Variants in DOCK10 observed in about 807,000 individuals in gnomAD.
The protein encoded by DOCK10 is dedicator of cytokinesis protein 10.
A neutral mutation model predicts 280.1 loss-of-function variants in DOCK10; 145 were observed. The observed-to-expected ratio is 0.52, with a 90% CI of 0.45 to 0.59. The LOEUF (loss-of-function observed/expected upper bound fraction) is 0.59. Among genes scored for constraint, DOCK10 ranks in the 20% least tolerant of loss-of-function variants. DOCK10 has a pLI of 0.00. For missense variants in DOCK10, 2,368 were observed against 2,651.7 expected (o/e 0.89, Z 2.35); for synonymous variants, 915 against 942.2 (o/e 0.97, Z 0.53).
intron 50 of DOCK10, among the ~76,000 whole-genome samples, chr2:224,784,347 TCCTTAA>T (rs1284564562): frequency 6.6e-6 from 1 of 152,176 alleles, no homozygotes; most frequent in Non-Finnish European, 1.5e-5. Flanking sequence ...CATTCTGGTC[TCCTTAA>T]TAAGCTGCAA....
chr2:225,022,577 A>G (rs76599566), intron 1 of DOCK10, among the ~76,000 whole-genome samples: 3,306 of 152,336 alleles, frequency 0.022, 134 homozygotes, highest in African/African-American at 0.074. Context: ...AAAGTCAACA[A>G]GAACAAAAAC....
chr2:224,835,027 A>T lies in DOCK10; in HGVS notation c.2851-764T>A, dbSNP rs772510498. On this transcript the variant is annotated intron_variant, in intron 25 of 55. Coordinates refer to ENST00000258390, the MANE Select transcript of DOCK10 (RefSeq NM_014689.3). ...TCGGATTTCACCGTAATTGAGAGTGAAGGCAGGAAAGAGAAGGAATGGCTT... is the reference window on the plus strand; with the variant it reads ...TCGGATTTCACCGTAATTGAGAGTGTAGGCAGGAAAGAGAAGGAATGGCTT... 7.2e-5 allele frequency among the ~76,000 whole-genome samples: 11 copies of T among 152,222 alleles called. 1 individual carries two copies. Among genetic ancestry groups the T allele is most frequent in the Non-Finnish European group, 1.2e-4 (8 of 68,040 alleles).
intron 33 of DOCK10, 74 bp downstream of exon 33, chr2:224,807,594 T>C: frequency 9.8e-7 from 1 of 1,020,266 alleles, no homozygotes; most frequent in South Asian, 1.5e-5. Context: ...GAAATGGTTA[T>C]CCAGGGCAAA....
At chr2:224,915,799 C>CT (rs1701276732) in intron 3 of DOCK10, among the ~76,000 whole-genome samples, 1 of 152,330 alleles carries the variant, frequency 6.6e-6, no homozygotes, top group South Asian at 2.1e-4. Context: ...TAAGTAGCTG[C>CT]TATGCACTGG....
In DOCK10 at chr2:224,887,757, A is replaced by G. The variant is rs546018240; in HGVS notation, c.417-1226T>C. Among the ~76,000 whole-genome samples, 375 of 152,348 alleles carry G rather than the reference A, an allele frequency of 2.5e-3. 1 individual carries two copies. Among genetic ancestry groups the G allele is most frequent in the Middle Eastern group, 0.01 (3 of 294 alleles). The stretch of plus-strand genomic sequence containing the variant: ...AATGGTATTATAGTGAAGCAAATTA[A>G]CATAACTATCATCTCAATAGTTACT... On this transcript the variant is annotated intron_variant, in intron 4 of 55. Coordinates refer to ENST00000258390, the MANE Select transcript of DOCK10 (RefSeq NM_014689.3).
intron 1 of DOCK10, among the ~76,000 whole-genome samples, chr2:225,017,763 C>A (rs1046237628): frequency 2.0e-5 from 3 of 150,776 alleles, no homozygotes; most frequent in Admixed American, 1.3e-4. Context: ...TTTAAGCTGG[C>A]TGTCCTTTTA....
rs746599099 is a variant in DOCK10, at chr2:224,797,116, C to T, written c.4675G>A (p.Asp1559Asn). 2.5e-6 allele frequency: 4 copies of T among 1,609,838 alleles called. No individual in the cohort carries two copies. Among genetic ancestry groups the T allele is most frequent in the South Asian group, 1.1e-5 (1 of 89,968 alleles). ...FPSAFFQGPA[D>N]LCGSFCYEVL... The stretch of plus-strand genomic sequence containing the variant: ...TCGTAACAGAATGATCCACAGAGGT[C>T]AGCAGGCCCTTGAAAGAACGCTGAA... Residue 1559 changes from aspartate (D) to asparagine (N), a missense_variant, in exon 43 of 56, where the codon GAC becomes AAC. Around this residue, in one of 2 missense-constraint regions of DOCK10, gnomAD observed 1,159 missense variants for 1,400.8 expected, o/e 0.83. Transcript: ENST00000258390.
intron 29 of DOCK10, among the ~76,000 whole-genome samples, chr2:224,817,809 C>G (rs533976097): frequency 6.6e-6 from 1 of 152,282 alleles, no homozygotes; most frequent in African/African-American, 2.4e-5. Flanking sequence ...CCACTGCACC[C>G]CATCTCCCAA....
At chr2:224,820,504 A>C (rs1352474627) in intron 28 of DOCK10, among the ~76,000 whole-genome samples, 1 of 152,182 alleles carries the variant, frequency 6.6e-6, no homozygotes, top group African/African-American at 2.4e-5. Flanking sequence ...GTGAGTAAAC[A>C]TGCTGCTTGG....
chr2:224,909,621 T>C (rs539823373), intron 3 of DOCK10, among the ~76,000 whole-genome samples: 3 of 152,136 alleles, frequency 2.0e-5, no homozygotes, highest in African/African-American at 7.2e-5. Context: ...ATGTCAAAGA[T>C]AGCAAAGCCT....
intron 1 of DOCK10, among the ~76,000 whole-genome samples, chr2:224,992,267 ACCCACGTCTTAAACAT>A (rs1377660127): frequency 6.6e-6 from 1 of 152,200 alleles, no homozygotes; most frequent in African/African-American, 2.4e-5. Context: ...GGAATTAACC[ACCCACGTCTTAAACAT>A]TCCAAGTTAA....
intron 1 of DOCK10, among the ~76,000 whole-genome samples, chr2:225,038,647 A>G (rs1690331453): frequency 6.6e-6 from 1 of 152,222 alleles, no homozygotes; most frequent in African/African-American, 2.4e-5. Flanking sequence ...GTTAATAACA[A>G]AATTAGATAC....
Position 224,787,103 on chromosome 2 carries a change from C to T in DOCK10, c.5574G>A (p.Arg1858=), listed in dbSNP as rs753749190. The change falls in exon 50 of 56, where the codon CGG becomes CGA. Residue 1858 remains arginine (R), a synonymous_variant. Transcript: ENST00000258390. ...CCACCTCTGCCACTTTCAGATATGACCGATGAATGTCGTAGTAGAGATCTG... is the reference window on the plus strand; with the variant it reads ...CCACCTCTGCCACTTTCAGATATGATCGATGAATGTCGTAGTAGAGATCTG... ...KLSDLYYDIH[R]SYLKVAEVVN... The T allele has an allele frequency of 6.2e-7, 1 of 1,613,974 alleles. No individual in the cohort carries two copies. The highest frequency in any genetic ancestry group is 1.1e-5 in the South Asian group (1 of 91,078).
At chr2:224,785,526 T>C (rs1163619940) in intron 50 of DOCK10, among the ~76,000 whole-genome samples, 2 of 152,112 alleles carry the variant, frequency 1.3e-5, no homozygotes, top group Non-Finnish European at 2.9e-5. Flanking sequence ...TGTCACCCAG[T>C]CTAGAGTGCA....
chr2:224,772,731 C>G (rs1690532708), intron 53 of DOCK10, among the ~76,000 whole-genome samples: 1 of 152,250 alleles, frequency 6.6e-6, no homozygotes, highest in Non-Finnish European at 1.5e-5. Context: ...TGTCACAACT[C>G]TGCCAGACAG....
At chr2:224,991,442 C>A (rs1434164808) in intron 1 of DOCK10, among the ~76,000 whole-genome samples, 1 of 152,184 alleles carries the variant, frequency 6.6e-6, no homozygotes, top group African/African-American at 2.4e-5. Flanking sequence ...TAGGTGGTAT[C>A]ATTCTTTCAC....
At chr2:224,904,580 T>A (rs1700477575) in intron 3 of DOCK10, among the ~76,000 whole-genome samples, 1 of 152,114 alleles carries the variant, frequency 6.6e-6, no homozygotes, top group African/African-American at 2.4e-5. Context: ...TACATATGAG[T>A]CATTCATTTG....
chr2:224,883,426 TA>T (rs1272836902), intron 7 of DOCK10, among the ~76,000 whole-genome samples: 2 of 152,198 alleles, frequency 1.3e-5, no homozygotes, highest in African/African-American at 4.8e-5. Flanking sequence ...ATCCGGAACG[TA>T]AATCAAGGTT....
intron 1 of DOCK10, among the ~76,000 whole-genome samples, chr2:225,025,267 G>A (rs1222477648): frequency 1.3e-5 from 2 of 152,134 alleles, no homozygotes; most frequent in African/African-American, 4.8e-5. Context: ...GTGGCTTAAA[G>A]GAAGATGTTG....
Sources: gnomAD v4.1 joint callset for allele counts (sites outside exome capture counted in the v4.1 genomes callset) on GRCh38, gnomAD v4.1.1 for gene constraint, gnomAD v4.1.1 regional missense constraint, MANE v1.5 for transcripts, NCBI Gene and HGNC (gene_info 2026-07-23, HGNC 2026-07-21) for gene names.